Variants in EYS observed in about 807,000 individuals in gnomAD.
The protein encoded by EYS is protein eyes shut homolog.
A neutral mutation model predicts 282.1 loss-of-function variants in EYS; 250 were observed. The observed-to-expected ratio is 0.89, with a 90% CI of 0.80 to 0.98. The LOEUF (loss-of-function observed/expected upper bound fraction) is 0.98. Among genes scored for constraint, EYS ranks in the 50% least tolerant of loss-of-function variants. The pLI is 0.00. For missense variants in EYS, 4,016 were observed against 3,709.0 expected (o/e 1.08, Z -2.15); for synonymous variants, 1,355 against 1,282.9 (o/e 1.06, Z -1.20).
chr6:64,253,368 C>T (rs1331672323), intron 30 of EYS, among the ~76,000 whole-genome samples: 1 of 152,036 alleles, frequency 6.6e-6, no homozygotes, highest in Non-Finnish European at 1.5e-5. Flanking sequence ...GAATAATAGG[C>T]CCAGATTTAA....
intron 2 of EYS, among the ~76,000 whole-genome samples, chr6:65,629,110 C>T (rs887871251): frequency 6.6e-6 from 1 of 152,162 alleles, no homozygotes; most frequent in Non-Finnish European, 1.5e-5. Flanking sequence ...TAAGATGATG[C>T]TCAGTCAATC....
intron 12 of EYS, among the ~76,000 whole-genome samples, chr6:65,285,738 C>T (rs1466503750): frequency 2.6e-5 from 4 of 151,800 alleles, no homozygotes; most frequent in Admixed American, 6.6e-5. Context: ...GTGTACAAAT[C>T]GAGAAATATT....
chr6:65,550,143 CTTTTTTTTTTTTT>C (rs1048251073), intron 2 of EYS, among the ~76,000 whole-genome samples: 3 of 5,946 alleles, frequency 5.0e-4, no homozygotes, highest in Non-Finnish European at 7.4e-4. Flanking sequence ...TCTACTATAT[CTTTTTTTTTTTTT>C]TTTTTTTTTT....
At chr6:64,394,536 T>G (rs1321435841) in intron 28 of EYS, among the ~76,000 whole-genome samples, 6 of 152,156 alleles carry the variant, frequency 3.9e-5, no homozygotes, top group Non-Finnish European at 7.3e-5. Flanking sequence ...GGGGAAATGA[T>G]TCCCTATTTA....
chr6:63,912,367 TA>T (rs1291236303), intron 35 of EYS, among the ~76,000 whole-genome samples: 1 of 152,120 alleles, frequency 6.6e-6, no homozygotes, highest in East Asian at 1.9e-4. Flanking sequence ...AGCCACATTA[TA>T]AAAAATAAAA....
chr6:64,155,991 TG>T, intron 31 of EYS, among the ~76,000 whole-genome samples: 1 of 147,426 alleles, frequency 6.8e-6, no homozygotes, highest in African/African-American at 2.5e-5. Context: ...TATATATATA[TG>T]TGTGTGTGTG....
In EYS at chr6:63,806,266, G is replaced by A. The variant is rs1416260205; in HGVS notation, c.7335C>T (p.His2445=). Residue 2445 remains histidine (H), a synonymous_variant, in exon 37 of 43, where the codon CAC becomes CAT. Coordinates refer to ENST00000503581, the MANE Select transcript of EYS (RefSeq NM_001142800.2). ...GGTTGTTTGCCAGCTGAAACTTCAG[G>A]TGGAATTCATAATGGAAGCTGATGT... is the stretch of plus-strand genomic sequence containing the variant. The part of the protein sequence containing the change: ...ISDISFHYEF[H]LKFQLANNHS... 5.2e-6 allele frequency: 8 copies of A among 1,551,390 alleles called. No homozygotes were observed. Among genetic ancestry groups the A allele is most frequent in the Non-Finnish European group, 2.6e-6 (3 of 1,146,820 alleles).
chr6:64,276,195 T>A (rs1768112153), intron 30 of EYS, among the ~76,000 whole-genome samples: 1 of 152,192 alleles, frequency 6.6e-6, no homozygotes, highest in Non-Finnish European at 1.5e-5. Context: ...AGGCTGAAGA[T>A]CTGTTATTGG....
At chr6:64,934,607 A>G (rs75218381) in intron 15 of EYS, among the ~76,000 whole-genome samples, 1,551 of 151,828 alleles carry the variant, frequency 0.01, 14 homozygotes, top group African/African-American at 0.036. Flanking sequence ...GCAGAATGAT[A>G]TATTTGAAGT....
rs758383711 is a variant in EYS at position 64,839,636 on chromosome 6, T to C, written c.2993-16814A>G. ...GCTATAATTATATACTTGAGCCTAG[T>C]TGATTTTTACATAAAGTAAATTTAT... On this transcript the variant is annotated intron_variant, in intron 19 of 42. Transcript: ENST00000503581. 8.5e-5 allele frequency among the ~76,000 whole-genome samples: 13 copies of C among 152,202 alleles called. No homozygotes were observed. In the South Asian group the frequency reaches 1.4e-3, roughly 17 times the overall value.
At chr6:65,069,241 C>A (rs1773837748) in intron 12 of EYS, among the ~76,000 whole-genome samples, 1 of 151,978 alleles carries the variant, frequency 6.6e-6, no homozygotes, top group South Asian at 2.1e-4. Flanking sequence ...ACTATTCTAG[C>A]CTTTTCTACC....
chr6:64,503,523 A>C (rs1350895241), intron 26 of EYS, among the ~76,000 whole-genome samples: 1 of 152,192 alleles, frequency 6.6e-6, no homozygotes, highest in Non-Finnish European at 1.5e-5. Flanking sequence ...GAAGGGTTTC[A>C]TGGGTTTATA....
At chr6:63,754,073 ACT>A (rs1175945976) in intron 41 of EYS, among the ~76,000 whole-genome samples, 1 of 152,022 alleles carries the variant, frequency 6.6e-6, no homozygotes, top group Non-Finnish European at 1.5e-5. Flanking sequence ...GATATTTCTT[ACT>A]CTTTTTCCCT....
intron 31 of EYS, among the ~76,000 whole-genome samples, chr6:64,090,155 T>C (rs1420654671): frequency 6.6e-6 from 1 of 152,114 alleles, no homozygotes; most frequent in Non-Finnish European, 1.5e-5. Context: ...AAACTATCAA[T>C]ATTTCTCATT....
chr6:64,347,194 T>C lies in EYS; in HGVS notation c.6079-40112A>G, dbSNP rs369642636. ...TAGATCAAATGATATTTCAGAAGTA[T>C]ATTAATTAATTACAATATATCTACC... On this transcript the variant is annotated intron_variant, in intron 29 of 42. Coordinates refer to ENST00000503581, the MANE Select transcript of EYS (RefSeq NM_001142800.2). Among the ~76,000 whole-genome samples, 68 of 151,580 alleles carry C rather than the reference T, an allele frequency of 4.5e-4. 1 individual carries two copies. The highest frequency in any genetic ancestry group is 3.1e-3 in the East Asian group (16 of 5,120).
At chr6:64,395,065 A>C (rs1773312225) in intron 28 of EYS, among the ~76,000 whole-genome samples, 2 of 152,226 alleles carry the variant, frequency 1.3e-5, no homozygotes, top group Admixed American at 1.3e-4. Context: ...AGAGATGCAA[A>C]TCAAAACCAT....
chr6:65,684,109 A>T (rs1197133896), intron 1 of EYS, among the ~76,000 whole-genome samples: 1 of 151,978 alleles, frequency 6.6e-6, no homozygotes, highest in African/African-American at 2.4e-5. Context: ...TTTTTGTATA[A>T]GCAATTTGTT....
chr6:65,353,603 T>C lies in EYS; in HGVS notation c.1314A>G (p.Pro438=), dbSNP rs375043207. ...ACCAACATGGATTTTTTGTGCACCCTGGAATGCATACATACTGCAAAAAGG... is the reference window on the plus strand; with the variant it reads ...ACCAACATGGATTTTTTGTGCACCCCGGAATGCATACATACTGCAAAAAGG... ...IIGRFKYVCI[P]GCTKNPCWFL... Residue 438 remains proline (P), a synonymous_variant, in exon 9 of 43, where the codon CCA becomes CCG. Transcript: ENST00000503581. 9.3e-6 allele frequency: 15 copies of C among 1,612,724 alleles called. No homozygotes were observed. The Admixed American group carries it at 1.0e-4, about 11-fold the overall frequency.
intron 22 of EYS, among the ~76,000 whole-genome samples, chr6:64,801,014 C>T (rs1774530813): frequency 6.6e-6 from 1 of 151,966 alleles, no homozygotes; most frequent in Non-Finnish European, 1.5e-5. Flanking sequence ...AACTGTCTTT[C>T]TAAATAATGA....
Sources: allele counts gnomAD v4.1 joint callset (sites outside exome capture counted in the v4.1 genomes callset), GRCh38; gene constraint gnomAD v4.1.1; transcripts MANE v1.5; gene names NCBI Gene and HGNC (gene_info 2026-07-23, HGNC 2026-07-21).